Variants in ATP2B2 observed in about 807,000 individuals in gnomAD.
The protein encoded by ATP2B2 is plasma membrane calcium-transporting ATPase 2.
A neutral mutation model predicts 120.0 loss-of-function variants in ATP2B2; 15 were observed. The ratio of observed to expected loss-of-function variants is 0.12; its 90% CI spans 0.08 to 0.19. The LOEUF is 0.19. Among genes scored for constraint, ATP2B2 ranks in the 10% least tolerant of loss-of-function variants. The probability of loss-of-function intolerance (pLI) is 1.00; values close to 1 mark genes in which losing one functional copy is unlikely to be tolerated. For synonymous variants in ATP2B2, 694 were observed against 700.3 expected, an observed-to-expected ratio of 0.99 and a Z score of 0.14; for missense variants, 1,045 against 1,719.8, an observed-to-expected ratio of 0.61 and a Z score of 6.94.
At chr3:10,607,783 C>A (rs12487529) in intron 2 of ATP2B2, among the ~76,000 whole-genome samples, 1 of 151,972 alleles carries the variant, frequency 6.6e-6, no homozygotes, top group African/African-American at 2.4e-5. Context: ...GTTCAGTGAC[C>A]ACATGTAGAT....
At chr3:10,545,217 C>T (rs981690782) in intron 2 of ATP2B2, among the ~76,000 whole-genome samples, 1 of 152,124 alleles carries the variant, frequency 6.6e-6, no homozygotes, top group Admixed American at 6.5e-5. Flanking sequence ...GCGTTGTAAG[C>T]ATACACACAC....
At chr3:10,581,321 G>A (rs1476520464) in intron 2 of ATP2B2, among the ~76,000 whole-genome samples, 1 of 152,260 alleles carries the variant, frequency 6.6e-6, no homozygotes, top group Non-Finnish European at 1.5e-5. Context: ...GCTCTGGGAA[G>A]AGGCAGAATC....
At position 10,402,872 on chromosome 3, in the gene ATP2B2, T is replaced by C. The variant is rs2062270429; in HGVS notation, c.398-524A>G. 6.6e-6 allele frequency among the ~76,000 whole-genome samples: 1 copy of C among 152,188 alleles called. No individual in the cohort carries two copies. Among genetic ancestry groups the C allele is most frequent in the African/African-American group, 2.4e-5 (1 of 41,432 alleles). ...GGAGAGAAAAGAGAATTTTCTCTAA[T>C]TGATGAGAAAAGACAAGGAATTTTC... On this transcript the variant is annotated intron_variant, in intron 3 of 22. Transcript: ENST00000360273. This position sits in a 1 kb window ranked among gnomAD's most constrained non-coding sequence, Gnocchi z 4.9.
intron 1 of ATP2B2, among the ~76,000 whole-genome samples, chr3:10,658,047 G>C: frequency 6.6e-6 from 1 of 152,226 alleles, no homozygotes; most frequent in Non-Finnish European, 1.5e-5. Context: ...CTGAATGTTA[G>C]AAGGAAAACT....
At chr3:10,701,887 T>G (rs1452748812) in intron 1 of ATP2B2, among the ~76,000 whole-genome samples, 2 of 152,106 alleles carry the variant, frequency 1.3e-5, no homozygotes, top group Admixed American at 6.5e-5. Context: ...TTTTTTTTTT[T>G]GAAAAAGAAA....
intron 2 of ATP2B2, among the ~76,000 whole-genome samples, chr3:10,599,578 G>C (rs2068850429): frequency 6.6e-6 from 1 of 152,148 alleles, no homozygotes; most frequent in Non-Finnish European, 1.5e-5. Flanking sequence ...CACCGAATCT[G>C]ACAGGGGCTC....
At chr3:10,638,445 A>G (rs181492815) in intron 1 of ATP2B2, among the ~76,000 whole-genome samples, 53 of 152,350 alleles carry the variant, frequency 3.5e-4, no homozygotes, top group African/African-American at 1.1e-3. Flanking sequence ...GATAAGTTAA[A>G]AAAAACCACT....
intron 1 of ATP2B2, among the ~76,000 whole-genome samples, chr3:10,696,328 C>A (rs1313577562): frequency 6.6e-6 from 1 of 152,204 alleles, no homozygotes; most frequent in Non-Finnish European, 1.5e-5. Context: ...CAATTTCAGT[C>A]TTTGAACACA....
chr3:10,403,356 C>T (rs1217131990), intron 3 of ATP2B2, among the ~76,000 whole-genome samples: 1 of 152,346 alleles, frequency 6.6e-6, no homozygotes, highest in East Asian at 1.9e-4. Flanking sequence ...ACCACTGAGC[C>T]TCCCAGTCTA....
At chr3:10,504,484 C>T (rs1445917511) in intron 1 of ATP2B2, among the ~76,000 whole-genome samples, 3 of 151,952 alleles carry the variant, frequency 2.0e-5, no homozygotes, top group Non-Finnish European at 2.9e-5. Flanking sequence ...TTCTGAAGGT[C>T]GAGCCAGGCT....
chr3:10,706,870 C>T (rs1344109953), intron 1 of ATP2B2, among the ~76,000 whole-genome samples: 30 of 152,174 alleles, frequency 2.0e-4, no homozygotes. Context: ...AACAGCAGTC[C>T]TCTCCATCCA....
At chr3:10,362,140 A>G (rs914214559) in intron 12 of ATP2B2, among the ~76,000 whole-genome samples, 1 of 152,260 alleles carries the variant, frequency 6.6e-6, no homozygotes, top group Non-Finnish European at 1.5e-5. Flanking sequence ...AAGACGAAAT[A>G]GCTATGAACA....
At chr3:10,472,641 G>T (rs1052091957) in intron 1 of ATP2B2, among the ~76,000 whole-genome samples, 3 of 152,164 alleles carry the variant, frequency 2.0e-5, no homozygotes, top group Non-Finnish European at 4.4e-5. Flanking sequence ...TCACTTCTGG[G>T]AGGCCTCCCC....
At position 10,650,392 on chromosome 3, in the gene ATP2B2, C is replaced by G. The variant is rs2070426321; in HGVS notation, c.-459-30431G>C. ...TTAAGGTATATGGCAGAAGAAATTTCTAAGCAGCAAAGCATTCAAGAGGTG... is the reference window on the plus strand; with the variant it reads ...TTAAGGTATATGGCAGAAGAAATTTGTAAGCAGCAAAGCATTCAAGAGGTG... On this transcript the variant is annotated intron_variant, in intron 1 of 21. Transcript: ENST00000646379. 4.6e-5 allele frequency among the ~76,000 whole-genome samples: 7 copies of G among 152,276 alleles called. No homozygotes were observed. In the South Asian group the frequency reaches 1.2e-3, roughly 27 times the overall value.
chr3:10,680,380 C>T (rs1272706697), intron 1 of ATP2B2, among the ~76,000 whole-genome samples: 1 of 151,938 alleles, frequency 6.6e-6, no homozygotes, highest in African/African-American at 2.4e-5. Context: ...ACCAGTGCAG[C>T]CAATGTCTGT....
chr3:10,366,847 A>G (rs1374952543), intron 12 of ATP2B2, among the ~76,000 whole-genome samples: 2 of 152,248 alleles, frequency 1.3e-5, no homozygotes, highest in Non-Finnish European at 2.9e-5. Context: ...AGGGTGTGCC[A>G]GGGTTTCTGA....
intron 2 of ATP2B2, among the ~76,000 whole-genome samples, chr3:10,428,513 C>T (rs920767075): frequency 6.6e-6 from 1 of 152,242 alleles, no homozygotes; most frequent in East Asian, 1.9e-4. Flanking sequence ...GTGGCTGGAC[C>T]AACCACTTCT....
chr3:10,585,104 T>G (rs911235414), intron 2 of ATP2B2, among the ~76,000 whole-genome samples: 2 of 152,174 alleles, frequency 1.3e-5, no homozygotes, highest in African/African-American at 4.8e-5. Flanking sequence ...CCTGCCCTGC[T>G]GTAGCCTGGA....
chr3:10,671,855 G>A (rs1307293314), intron 1 of ATP2B2, among the ~76,000 whole-genome samples: 1 of 152,194 alleles, frequency 6.6e-6, no homozygotes, highest in East Asian at 1.9e-4. Context: ...GCCTCGGAAG[G>A]AGTCTGTACC....
Sources: gnomAD v4.1 joint callset for allele counts (sites outside exome capture counted in the v4.1 genomes callset) on GRCh38, gnomAD v4.1.1 for gene constraint, Gnocchi (gnomAD v3.1) non-coding constraint, MANE v1.5 for transcripts, NCBI Gene and HGNC (gene_info 2026-07-23, HGNC 2026-07-21) for gene names.